ATP10D: variants seen among roughly 807,000 people sequenced by gnomAD.
ATP10D encodes the protein phospholipid-transporting ATPase VD.
Under a neutral mutation model 144.8 loss-of-function variants are expected in ATP10D, and 89 were observed. The observed-to-expected ratio is 0.61, with a 90% CI of 0.52 to 0.73. The LOEUF (loss-of-function observed/expected upper bound fraction) is 0.73, where lower values mean the gene tolerates loss of function less well. Among genes scored for constraint, ATP10D ranks in the 30% least tolerant of loss-of-function variants. The pLI, the probability that ATP10D is intolerant of heterozygous loss-of-function variation, is 0.00. For synonymous variants in ATP10D, 571 were observed against 615.1 expected (o/e 0.93, Z 1.06); for missense variants, 1,603 against 1,714.8 (o/e 0.93, Z 1.15).
intron 21 of ATP10D, chr4:47,582,873 G>A (rs1342319089): frequency 6.6e-6 from 1 of 152,058 alleles, no homozygotes; most frequent in African/African-American, 2.4e-5. Flanking sequence ...TCTCAGACCA[G>A]GTGCAGTGAC....
chr4:47,512,526 TAC>T lies in ATP10D; in HGVS notation c.-14_-13del. On this transcript the variant is annotated 5_prime_UTR_variant, in exon 2 of 23. Coordinates refer to ENST00000273859, the MANE Select transcript of ATP10D (RefSeq NM_020453.4). The stretch of plus-strand genomic sequence containing the variant: ...CAGGTCAGCTACACAACCTGGATCT[TAC>T]CACAGTTTGGATATGACTGAGGCTC... 6.3e-7 allele frequency: 1 copy of T among 1,599,722 alleles called. No individual in the cohort carries two copies. Among genetic ancestry groups the T allele is most frequent in the Non-Finnish European group, 8.5e-7 (1 of 1,170,206 alleles).
At chr4:47,548,598 T>C (rs1718562131) in intron 10 of ATP10D, among the ~76,000 whole-genome samples, 1 of 152,228 alleles carries the variant, frequency 6.6e-6, no homozygotes, top group African/African-American at 2.4e-5. Flanking sequence ...AGGAAGCTAC[T>C]TACCAGGCTG....
chr4:47,587,508 C>T (rs1489000819), intron 22 of ATP10D, among the ~76,000 whole-genome samples: 1 of 152,150 alleles, frequency 6.6e-6, no homozygotes, highest in Non-Finnish European at 1.5e-5. Context: ...TATCTTTTTA[C>T]TTTGCTGTCT....
At chr4:47,584,794 T>G (rs1411113752) in intron 21 of ATP10D, among the ~76,000 whole-genome samples, 1 of 152,212 alleles carries the variant, frequency 6.6e-6, no homozygotes, top group Admixed American at 6.5e-5. Flanking sequence ...TTTAGCAGCA[T>G]GAAGATCTTA....
At chr4:47,490,706 G>A (rs1202542584) in intron 1 of ATP10D, among the ~76,000 whole-genome samples, 1 of 152,222 alleles carries the variant, frequency 6.6e-6, no homozygotes, top group Non-Finnish European at 1.5e-5. Context: ...TGAAGAACAC[G>A]AGAGTGTGGC....
In ATP10D at chr4:47,591,183, A is replaced by T; in HGVS notation, c.4083A>T (p.Ser1361=). ...CTGGAAAGATGAATCAAGTGACATC[A>T]AAGTATGCTAACCAATCAGCTGGCA... ...RGAGKMNQVT[S]KYANQSAGKS... The change falls in exon 23 of 23, where the codon TCA becomes TCT. Residue 1361 remains serine, a synonymous_variant. Coordinates refer to ENST00000273859, the MANE Select transcript of ATP10D (RefSeq NM_020453.4). The T allele has an allele frequency of 6.2e-7, 1 of 1,613,646 alleles. No homozygotes were observed.
intron 21 of ATP10D, among the ~76,000 whole-genome samples, chr4:47,583,637 G>A (rs1004359169): frequency 6.6e-6 from 1 of 152,104 alleles, no homozygotes; most frequent in Non-Finnish European, 1.5e-5. Context: ...TGGTACTTTT[G>A]GTGGCCACCT....
chr4:47,576,549 A>C (rs1292702808), intron 18 of ATP10D, among the ~76,000 whole-genome samples: 1 of 152,186 alleles, frequency 6.6e-6, no homozygotes, highest in Non-Finnish European at 1.5e-5. Context: ...CAATGCTAGC[A>C]CCACATAATA....
intron 9 of ATP10D, among the ~76,000 whole-genome samples, chr4:47,542,649 G>T (rs6447566): frequency 0.99 from 150,960 of 152,106 alleles, 74,921 homozygotes; most frequent in Non-Finnish European, 1. Context: ...AGCTAATTTT[G>T]TGTATTTTTA....
intron 1 of ATP10D, among the ~76,000 whole-genome samples, chr4:47,494,761 A>G (rs980502377): frequency 2.0e-5 from 3 of 152,180 alleles, no homozygotes; most frequent in Non-Finnish European, 4.4e-5. Flanking sequence ...GAAAAGTATA[A>G]CTGACTTATT....
At chr4:47,493,436 A>T (rs2109381981) in intron 1 of ATP10D, among the ~76,000 whole-genome samples, 1 of 152,342 alleles carries the variant, frequency 6.6e-6, no homozygotes, top group Admixed American at 6.5e-5. Context: ...TACATGAGAT[A>T]TTTAACACTT....
chr4:47,505,169 T>C (rs1033910240), intron 1 of ATP10D, among the ~76,000 whole-genome samples: 1 of 152,258 alleles, frequency 6.6e-6, no homozygotes, highest in Non-Finnish European at 1.5e-5. Context: ...GAGGATCTTC[T>C]TGTATCCGCT....
intron 1 of ATP10D, among the ~76,000 whole-genome samples, chr4:47,493,401 G>A (rs563384003): frequency 3.3e-5 from 5 of 152,166 alleles, no homozygotes; most frequent in African/African-American, 9.6e-5. Flanking sequence ...TCTGTCTTTC[G>A]CTTCCAGTAT....
intron 13 of ATP10D, among the ~76,000 whole-genome samples, chr4:47,559,249 G>C (rs1018716445): frequency 6.6e-6 from 1 of 152,144 alleles, no homozygotes; most frequent in Non-Finnish European, 1.5e-5. Flanking sequence ...CTAAGTTCTT[G>C]TATGTTTCAA....
chr4:47,555,758 CTT>C (rs1000233645), intron 11 of ATP10D, among the ~76,000 whole-genome samples: 1 of 147,098 alleles, frequency 6.8e-6, no homozygotes, highest in Non-Finnish European at 1.5e-5. Context: ...TTTTTTCTTC[CTT>C]TTTTTTTTTC....
intron 1 of ATP10D, among the ~76,000 whole-genome samples, chr4:47,505,855 T>C (rs1715991910): frequency 6.6e-6 from 1 of 152,154 alleles, no homozygotes; most frequent in Admixed American, 6.5e-5. Context: ...TTTTTTTTTC[T>C]TTTAGACCAG....
intron 9 of ATP10D, 137 bp from the exon 10 acceptor site, chr4:47,546,487 A>G: frequency 4.1e-6 from 3 of 738,428 alleles, no homozygotes; most frequent in South Asian, 3.2e-5. Flanking sequence ...GACCAAGGCT[A>G]TGGGAGGTAG....
intron 13 of ATP10D, among the ~76,000 whole-genome samples, chr4:47,560,606 A>G (rs1211959959): frequency 2.0e-5 from 3 of 152,244 alleles, no homozygotes; most frequent in Non-Finnish European, 4.4e-5. Flanking sequence ...CAACTGCACC[A>G]TTAGAATCAA....
In ATP10D at chr4:47,582,018, C is replaced by T. The variant is rs769868948; in HGVS notation, c.3707C>T (p.Ala1236Val). The change falls in exon 21 of 23, where the codon GCT (alanine) becomes GTT (valine). Residue 1236 changes from alanine (A) to valine (V), a missense_variant. Ala to Val is a moderately conservative substitution (Grantham distance 64, BLOSUM62 0). Transcript: ENST00000273859. ...TTTGGAAACCCCCTGAACACAGCCG[C>T]TCTGTTCATCGTTCTCCTCCATCTG... ...FAFGNPLNTA[A>V]LFIVLLHLVI... The T allele has an allele frequency of 1.2e-6, 2 of 1,614,118 alleles. No individual in the cohort carries two copies. The highest frequency in any genetic ancestry group is 1.7e-6 in the Non-Finnish European group (2 of 1,179,994).
Sources: allele counts gnomAD v4.1 joint callset (sites outside exome capture counted in the v4.1 genomes callset), GRCh38; gene constraint gnomAD v4.1.1; transcripts MANE v1.5; gene names NCBI Gene and HGNC (gene_info 2026-07-23, HGNC 2026-07-21).